The following C1S variants were observed in gnomAD, a reference collection of about 807,000 sequenced individuals.
C1S encodes the protein complement C1s subcomponent.
C1S carries 31 observed loss-of-function variants against 54.0 expected under a neutral mutation model. The ratio of observed to expected loss-of-function variants is 0.57; its 90% CI spans 0.43 to 0.78. The LOEUF is 0.78. Among genes scored for constraint, C1S ranks in the 30% least tolerant of loss-of-function variants. The pLI is 0.00. For synonymous variants in C1S, 292 were observed against 303.6 expected, an observed-to-expected ratio of 0.96 and a Z score of 0.40; for missense variants, 727 against 851.8, an observed-to-expected ratio of 0.85 and a Z score of 1.82.
chr12:7,069,758 G>A, intron 11 of C1S, 97 bp from the exon 12 acceptor site: 8 of 1,068,880 alleles, frequency 7.5e-6, no homozygotes, highest in Non-Finnish European at 1.2e-5. Flanking sequence ...AGAGAATCCT[G>A]CAACCTAGCA....
Position 7,065,248 on chromosome 12 carries a change from T to C in C1S, c.666T>C (p.Asp222=). 3.7e-6 allele frequency: 6 copies of C among 1,614,048 alleles called. No individual in the cohort carries two copies. Among genetic ancestry groups the C allele is most frequent in the Non-Finnish European group, 5.1e-6 (6 of 1,179,938 alleles). ...TGGTGGTGACCTTGCGGAGAGAAGA[T>C]TTTGATGTGGAAGCAGCTGACTCAG... ...FQVVVTLRRE[D]FDVEAADSAG... is the part of the protein sequence containing the mutation. The change falls in exon 6 of 12, where the codon GAT becomes GAC. Residue 222 remains aspartate, a synonymous_variant. Coordinates refer to ENST00000360817, the MANE Select transcript of C1S (RefSeq NM_001734.5).
chr12:7,062,361 G>A (rs1947103627), intron 2 of C1S, 114 bp from the exon 3 acceptor site: 2 of 787,420 alleles, frequency 2.5e-6, no homozygotes, highest in African/African-American at 3.4e-5. Flanking sequence ...TCTCCCCCAT[G>A]GCCGATTGAC....
At chr12:7,068,674 C>T (rs1012811541) in intron 11 of C1S, 144 bp downstream of exon 11, 53 of 672,118 alleles carry the variant, frequency 7.9e-5, no homozygotes, top group Non-Finnish European at 1.1e-4. Flanking sequence ...ATCACTGTGC[C>T]GTGGGCTGCC....
rs1213966611 is a variant in C1S, at chr12:7,070,381, A to G, written c.1797A>G (p.Lys599=). Reference sequence around the variant, plus strand: ...CTTTAAGAAAATGCAAAGAAGTGAAAGTGGAGAAACCCACAGCAGATGCAG... The same window carrying G: ...CTTTAAGAAAATGCAAAGAAGTGAAGGTGGAGAAACCCACAGCAGATGCAG... The part of the protein sequence containing the change: ...VAPLRKCKEV[K]VEKPTADAEA... Residue 599 remains lysine (K), a synonymous_variant, in exon 12 of 12, where the codon AAA becomes AAG. Coordinates refer to ENST00000360817, the MANE Select transcript of C1S (RefSeq NM_001734.5). This position sits in a 1 kb window ranked among gnomAD's most constrained non-coding sequence, Gnocchi z 4.9. 1 of 1,614,278 alleles carries G rather than the reference A, an allele frequency of 6.2e-7. No homozygotes were observed. Among genetic ancestry groups the G allele is most frequent in the Non-Finnish European group, 8.5e-7 (1 of 1,180,052 alleles).
In C1S at chr12:7,070,257, A is replaced by G. The variant is rs1933410167; in HGVS notation, c.1673A>G (p.Asn558Ser). 6.2e-7 allele frequency: 1 copy of G among 1,614,144 alleles called. No individual in the cohort carries two copies. Among genetic ancestry groups the G allele is most frequent in the Non-Finnish European group, 8.5e-7 (1 of 1,179,982 alleles). ...CTACCAGGCACCTCTTCCGACTACAACCTCATGGATGGGGACCTGGGACTG... is the reference window on the plus strand; with the variant it reads ...CTACCAGGCACCTCTTCCGACTACAGCCTCATGGATGGGGACCTGGGACTG... Reference protein sequence around the residue: ...ICLPGTSSDYNLMDGDLGLIS... With the variant: ...ICLPGTSSDYSLMDGDLGLIS... The change falls in exon 12 of 12, where the codon AAC becomes AGC. Residue 558 changes from asparagine (N) to serine (S), a missense_variant. Physicochemically the swap from Asn to Ser is conservative, Grantham distance 46. Transcript: ENST00000360817. The surrounding 1 kb of genome is among the most constrained non-coding windows in gnomAD (Gnocchi z 4.9).
Position 7,064,372 on chromosome 12 carries a change from A to G in C1S, c.497A>G (p.Asp166Gly), listed in dbSNP as rs200166518. 3.7e-6 allele frequency: 6 copies of G among 1,614,060 alleles called. No homozygotes were observed. The highest frequency in any genetic ancestry group is 5.1e-6 in the Non-Finnish European group (6 of 1,179,996). The change falls in exon 5 of 12, where the codon GAT (aspartate) becomes GGT (glycine). Residue 166 changes from aspartate (D) to glycine (G), a missense_variant. Physicochemically the swap from Asp to Gly is moderately conservative, Grantham distance 94 (BLOSUM62 -1). Coordinates refer to ENST00000360817, the MANE Select transcript of C1S (RefSeq NM_001734.5). ...CSCPPEYFLH[D>G]DMKNCGVNCS... Reference sequence around the variant, plus strand: ...TGCCCCCCGGAATATTTCCTCCATGATGACATGAAGAATTGCGGAGGTGAG... The same window carrying G: ...TGCCCCCCGGAATATTTCCTCCATGGTGACATGAAGAATTGCGGAGGTGAG...
At chr12:7,062,782 G>T in intron 3 of C1S, 100 bp downstream of exon 3, 1 of 1,488,334 alleles carries the variant, frequency 6.7e-7, no homozygotes, top group Non-Finnish European at 9.3e-7. Context: ...CAGTGAACTG[G>T]AGTCAAGTCC....
At position 7,066,342 on chromosome 12, in the gene C1S, C is replaced by T. The variant is rs115363496; in HGVS notation, c.872-176C>T. The T allele has an allele frequency of 2.4e-3, 1,621 of 678,402 alleles. 20 individuals carry two copies. The African/African-American group carries it at 0.025, about 10-fold the overall frequency. The allele number at this position is 678,402 out of a possible 1,614,324, so 42.0% of individuals were successfully genotyped here. On this transcript the variant is annotated intron_variant, in intron 7 of 11. Transcript: ENST00000360817. ...TAGACCTGAGACTGCAGACAGCTTG[C>T]GGGTGGTTAGTTGGTAATGCCATAT...
intron 2 of C1S, 77 bp downstream of exon 2, chr12:7,061,994 G>C (rs782251227): frequency 4.6e-5 from 65 of 1,416,238 alleles, no homozygotes; most frequent in African/African-American, 2.4e-4. Flanking sequence ...CAAGGGCCAG[G>C]CATGATGGCT....
chr12:7,064,076 G>A (rs782719392), intron 4 of C1S, 191 bp from the exon 5 acceptor site: 2 of 689,706 alleles, frequency 2.9e-6, no homozygotes, highest in East Asian at 2.9e-5. Flanking sequence ...CTGTGTAGTG[G>A]TAGGGCTCAA....
At chr12:7,066,170 TAAAACAAAACA>T in intron 7 of C1S, 200 bp downstream of exon 7, 2 of 631,380 alleles carry the variant, frequency 3.2e-6, no homozygotes, top group Non-Finnish European at 5.6e-6. Flanking sequence ...ACCTTGTCTC[TAAAACAAAACA>T]AAAACAAAGC....
Position 7,065,149 on chromosome 12 carries a change from T to G in C1S, c.567T>G (p.Ser189Arg). The change falls in exon 6 of 12, where the codon AGT (serine) becomes AGG (arginine). Residue 189 changes from serine (S) to arginine (R), a missense_variant. Ser to Arg is a moderately radical substitution (Grantham distance 110, BLOSUM62 -1). This residue lies in a region of C1S where 357 missense variants were observed against 365.4 expected (regional missense o/e 0.98). Coordinates refer to ENST00000360817, the MANE Select transcript of C1S (RefSeq NM_001734.5). ...VFTALIGEIA[S>R]PNYPKPYPEN... ...CTGCACTGATTGGGGAGATTGCAAGTCCCAATTATCCCAAACCATATCCAG... is the reference window on the plus strand; with the variant it reads ...CTGCACTGATTGGGGAGATTGCAAGGCCCAATTATCCCAAACCATATCCAG... The G allele has an allele frequency of 6.2e-7, 1 of 1,614,082 alleles. No homozygotes were observed. The highest frequency in any genetic ancestry group is 1.6e-4 in the Middle Eastern group (1 of 6,062).
At position 7,070,238 on chromosome 12, in the gene C1S, G is replaced by C; in HGVS notation, c.1654G>C (p.Gly552Arg). The C allele has an allele frequency of 6.2e-7, 1 of 1,614,112 alleles. No homozygotes were observed. The highest frequency in any genetic ancestry group is 1.1e-5 in the South Asian group (1 of 91,078). Residue 552 changes from glycine to arginine, a missense_variant, in exon 12 of 12, where the codon GGC becomes CGC. Gly to Arg is a moderately radical substitution (Grantham distance 125). This residue lies in a region of C1S where 360 missense variants were observed against 453.6 expected (regional missense o/e 0.79). Coordinates refer to ENST00000360817, the MANE Select transcript of C1S (RefSeq NM_001734.5). The surrounding 1 kb of genome is among the most constrained non-coding windows in gnomAD (Gnocchi z 4.9). Reference sequence around the variant, plus strand: ...CACCGTCTCTCCCATCTGCCTACCAGGCACCTCTTCCGACTACAACCTCAT... The same window carrying C: ...CACCGTCTCTCCCATCTGCCTACCACGCACCTCTTCCGACTACAACCTCAT... ...GPTVSPICLPGTSSDYNLMDG... is the reference protein window; with the variant it reads ...GPTVSPICLPRTSSDYNLMDG...
At chr12:7,067,510 G>A in intron 9 of C1S, 133 bp from the exon 10 acceptor site, 2 of 968,666 alleles carry the variant, frequency 2.1e-6, no homozygotes, top group East Asian at 4.8e-5. Context: ...CAGAGAGGCT[G>A]GTGTGGGGAG....
At chr12:7,068,179 G>A (rs952499839) in intron 10 of C1S, among the ~76,000 whole-genome samples, 9 of 152,186 alleles carry the variant, frequency 5.9e-5, no homozygotes, top group Admixed American at 2.0e-4. Context: ...ACCCTAATAC[G>A]TTCTCTGCAT....
intron 2 of C1S, 34 bp from the exon 3 acceptor site, chr12:7,062,441 G>C (rs1347343441): frequency 1.3e-6 from 2 of 1,547,738 alleles, no homozygotes; most frequent in Admixed American, 1.7e-5. Context: ...ACTGGTGCCT[G>C]GTCACCCGCC....
At chr12:7,063,346 C>T in intron 4 of C1S, 1 of 521,634 alleles carries the variant, frequency 1.9e-6, no homozygotes. Flanking sequence ...GGGGATTTTT[C>T]CTATTTTAAC....
Position 7,070,261 on chromosome 12 carries a change from C to T in C1S, c.1677C>T (p.Leu559=), listed in dbSNP as rs143573583. The change falls in exon 12 of 12, where the codon CTC becomes CTT. Residue 559 remains leucine, a synonymous_variant. Coordinates refer to ENST00000360817, the MANE Select transcript of C1S (RefSeq NM_001734.5). This position sits in a 1 kb window ranked among gnomAD's most constrained non-coding sequence, Gnocchi z 4.9. ...CLPGTSSDYN[L]MDGDLGLISG... ...CAGGCACCTCTTCCGACTACAACCT[C>T]ATGGATGGGGACCTGGGACTGATCT... 2.5e-4 allele frequency: 407 copies of T among 1,614,232 alleles called. No homozygotes were observed. Among genetic ancestry groups the T allele is most frequent in the East Asian group, 1.2e-3 (55 of 44,882 alleles).
At chr12:7,062,294 T>A in intron 2 of C1S, 181 bp from the exon 3 acceptor site, 1 of 596,610 alleles carries the variant, frequency 1.7e-6, no homozygotes, top group Non-Finnish European at 2.9e-6. Context: ...AAAGGGCTCT[T>A]GTCTGAAGCC....
Sources: allele counts gnomAD v4.1 joint callset (sites outside exome capture counted in the v4.1 genomes callset), GRCh38; gene constraint gnomAD v4.1.1; regional missense constraint gnomAD v4.1.1; non-coding constraint Gnocchi (gnomAD v3.1); transcripts MANE v1.5; gene names NCBI Gene and HGNC (gene_info 2026-07-23, HGNC 2026-07-21).